Variants in MPP2 observed in about 807,000 individuals in gnomAD.
The protein encoded by MPP2 is MAGUK p55 subfamily member 2.
MPP2 carries 42 observed loss-of-function variants against 58.5 expected under a neutral mutation model. That is an observed-to-expected ratio of 0.72 (90% confidence interval 0.56 to 0.93). MPP2 has a LOEUF of 0.93. Among genes scored for constraint, MPP2 ranks in the 40% least tolerant of loss-of-function variants. The probability of loss-of-function intolerance (pLI) is 0.00; values close to 1 mark genes in which losing one functional copy is unlikely to be tolerated. For synonymous variants in MPP2, 300 were observed against 307.8 expected (o/e 0.97, Z 0.26); for missense variants, 632 against 760.4 (o/e 0.83, Z 1.99).
upstream of MPP2, chr17:43,907,965 C>T (rs2048357357): frequency 1.0e-6 from 1 of 985,374 alleles, no homozygotes; most frequent in Non-Finnish European, 1.2e-6. Flanking sequence ...AGAGAGACTC[C>T]CAGGAAGCAG....
intron 1 of MPP2, among the ~76,000 whole-genome samples, chr17:43,906,543 C>T (rs2048295237): frequency 6.6e-6 from 1 of 152,176 alleles, no homozygotes; most frequent in African/African-American, 2.4e-5. Context: ...ATCCCTCCAT[C>T]CATACACATA....
At chr17:43,884,661 A>G (rs542671016) in intron 3 of MPP2, among the ~76,000 whole-genome samples, 1 of 152,332 alleles carries the variant, frequency 6.6e-6, no homozygotes, top group South Asian at 2.1e-4. Context: ...TGTCTTTCCC[A>G]TACTTTGAGA....
Position 43,877,937 on chromosome 17 carries a change from C to T in MPP2, c.1529G>A (p.Arg510Gln), listed in dbSNP as rs150236584. Residue 510 changes from arginine to glutamine, a missense_variant, in exon 13 of 13, where the codon CGG (arginine) becomes CAG (glutamine). Arg to Gln is a conservative substitution (Grantham distance 43). Coordinates refer to ENST00000269095, the MANE Select transcript of MPP2 (RefSeq NM_005374.5). ...RTVEESSRIQ[R>Q]GYGHYFDLCL... The stretch of plus-strand genomic sequence containing the variant: ...GAGGTCAAAGTAGTGCCCGTAGCCC[C>T]GCTGGATGCGGCTGCTCTCCTCCAC... 70 of 1,613,896 alleles carry T rather than the reference C, an allele frequency of 4.3e-5. No individual in the cohort carries two copies. The highest frequency in any genetic ancestry group is 3.6e-5 in the Non-Finnish European group (42 of 1,179,952).
At chr17:43,904,089 G>C (rs1192441203) in intron 2 of MPP2, among the ~76,000 whole-genome samples, 1 of 152,136 alleles carries the variant, frequency 6.6e-6, no homozygotes, top group Non-Finnish European at 1.5e-5. Flanking sequence ...GCCCAGCTCC[G>C]GGGCCACCTC....
Position 43,880,311 on chromosome 17 carries a change from G to C in MPP2, c.1151-327C>G, listed in dbSNP as rs79536810. ...TCTTAGTCCTGCCTCTGGCAGCCAG[G>C]AGCTTCCACCACCCCCGCTGTTTCT... On this transcript the variant is annotated intron_variant, in intron 10 of 12. Coordinates refer to ENST00000269095, the MANE Select transcript of MPP2 (RefSeq NM_005374.5). This position sits in a 1 kb window ranked among gnomAD's most constrained non-coding sequence, Gnocchi z 5.2. 7.0e-3 allele frequency among the ~76,000 whole-genome samples: 1,066 copies of C among 152,254 alleles called. 12 individuals carry two copies. Among genetic ancestry groups the C allele is most frequent in the African/African-American group, 0.024 (991 of 41,550 alleles).
rs1374597503 is a variant in MPP2 at position 43,879,964 on chromosome 17, C to T, written c.1171G>A (p.Asp391Asn). The T allele has an allele frequency of 4.3e-6, 7 of 1,613,952 alleles. No homozygotes were observed. In the Admixed American group the frequency reaches 1.2e-4, roughly 27 times the overall value. ...TAACCCTGACCTTCCCGCTCTGAGT[C>T]TTTCGGCCGCCGGGAGGTGTCTAGG... ...TVPYTSRRPK[D>N]SEREGQGYSF... Residue 391 changes from aspartate to asparagine, a missense_variant, in exon 11 of 13, where the codon GAC (aspartate) becomes AAC (asparagine). Physicochemically the swap from Asp to Asn is conservative, Grantham distance 23. Coordinates refer to ENST00000269095, the MANE Select transcript of MPP2 (RefSeq NM_005374.5). The surrounding 1 kb of genome is among the most constrained non-coding windows in gnomAD (Gnocchi z 4.1).
Position 43,881,595 on chromosome 17 carries a change from C to G in MPP2, c.682-6G>C. 6.2e-7 allele frequency: 1 copy of G among 1,613,040 alleles called. No individual in the cohort carries two copies. Among genetic ancestry groups the G allele is most frequent in the Non-Finnish European group, 8.5e-7 (1 of 1,179,438 alleles). ...AAGTGACATTTCACAAATACCTGGG[C>G]CCAGGAATCAGCAAAGGGTCGGGGG... On this transcript the variant is annotated splice_region_variant and splice_polypyrimidine_tract_variant and intron_variant, in intron 6 of 12. Transcript: ENST00000269095.
rs1227172164 is a variant in MPP2 at position 43,883,023 on chromosome 17, G to A, written c.333C>T (p.Ala111=). Residue 111 remains alanine (A), a synonymous_variant, in exon 5 of 13, where the codon GCC becomes GCT. Transcript: ENST00000269095. The stretch of plus-strand genomic sequence containing the variant: ...GGGGTGGTGTCTCATAGGTCTTTGA[G>A]GCCACAGAGTCGTGCGTCTCCAGGA... The part of the protein sequence containing the change: ...QSLLETHDSV[A]SKTYETPPPS... 2 of 1,613,858 alleles carry A rather than the reference G, an allele frequency of 1.2e-6. No homozygotes were observed. Among genetic ancestry groups the A allele is most frequent in the East Asian group, 2.2e-5 (1 of 44,874 alleles).
chr17:43,896,925 C>G lies in MPP2; in HGVS notation c.150+1337G>C, dbSNP rs116791963. On this transcript the variant is annotated intron_variant, in intron 3 of 12. Coordinates refer to ENST00000269095, the MANE Select transcript of MPP2 (RefSeq NM_005374.5). The stretch of plus-strand genomic sequence containing the variant: ...ATGGGCACCATCCCCACCTCCCCCC[C>G]TCAGGAGAGGGGGCATCCTTCCACA... Among the ~76,000 whole-genome samples, 765 of 152,248 alleles carry G rather than the reference C, an allele frequency of 5.0e-3. 8 individuals carry two copies. Among genetic ancestry groups the G allele is most frequent in the African/African-American group, 0.018 (733 of 41,530 alleles).
chr17:43,879,793 C>T lies in MPP2; in HGVS notation c.1342G>A (p.Val448Ile). 1 of 1,613,418 alleles carries T rather than the reference C, an allele frequency of 6.2e-7. No homozygotes were observed. Among genetic ancestry groups the T allele is most frequent in the Non-Finnish European group, 8.5e-7 (1 of 1,179,824 alleles). ...CAGAGTGGCGGTACCTGGGGGTTGACATCCAGCACGCACACCTTCCCAGCA... is the reference window on the plus strand; with the variant it reads ...CAGAGTGGCGGTACCTGGGGGTTGATATCCAGCACGCACACCTTCCCAGCA... The part of the protein sequence containing the change: ...VAAGKVCVLD[V>I]NPQAVKVLRT... The change falls in exon 11 of 13, where the codon GTC becomes ATC. Residue 448 changes from valine (V) to isoleucine (I), a missense_variant. Physicochemically the swap from Val to Ile is conservative, Grantham distance 29 (BLOSUM62 3). Transcript: ENST00000269095. This position sits in a 1 kb window ranked among gnomAD's most constrained non-coding sequence, Gnocchi z 4.1.
intron 1 of MPP2, 178 bp downstream of exon 1, chr17:43,907,296 C>G (rs995329431): frequency 1.0e-6 from 1 of 985,312 alleles, no homozygotes; most frequent in African/African-American, 1.7e-5. Context: ...TTCTCCCAAC[C>G]AGCACCCCAG....
chr17:43,907,364 G>A, intron 1 of MPP2, 110 bp downstream of exon 1: 1 of 985,654 alleles, frequency 1.0e-6, no homozygotes, highest in South Asian at 4.7e-5. Context: ...TGGGTGAAAG[G>A]GGCCTGTGGA....
intron 3 of MPP2, among the ~76,000 whole-genome samples, chr17:43,891,332 C>T (rs1567892115): frequency 6.6e-6 from 1 of 152,078 alleles, no homozygotes. Context: ...CCAGCCTGGC[C>T]AACATGGTGA....
chr17:43,901,165 G>T, intron 2 of MPP2: 1 of 727,414 alleles, frequency 1.4e-6, no homozygotes, highest in Non-Finnish European at 1.7e-6. Flanking sequence ...TGGGCATGGG[G>T]CAAATACCTC....
At chr17:43,890,673 G>C (rs973980186) in intron 3 of MPP2, among the ~76,000 whole-genome samples, 8 of 152,236 alleles carry the variant, frequency 5.3e-5, no homozygotes, top group African/African-American at 1.9e-4. Flanking sequence ...GATGTGACTT[G>C]CTTTAGCCAA....
intron 12 of MPP2, 45 bp from the exon 13 acceptor site, chr17:43,878,028 T>A: frequency 6.4e-7 from 1 of 1,566,194 alleles, no homozygotes; most frequent in Non-Finnish European, 8.7e-7. Context: ...TGCCCACAAC[T>A]CACCCCCACT....
chr17:43,900,517 C>T, intron 2 of MPP2: 1 of 1,548,906 alleles, frequency 6.5e-7, no homozygotes, highest in South Asian at 1.2e-5. Flanking sequence ...GGGATATACC[C>T]TCCAAGGAGA....
intron 3 of MPP2, among the ~76,000 whole-genome samples, chr17:43,887,543 T>A (rs768065374): frequency 6.6e-6 from 1 of 152,100 alleles, no homozygotes; most frequent in Non-Finnish European, 1.5e-5. Context: ...TATTTTCACA[T>A]AGAGATCTCT....
At chr17:43,898,489 G>GTCCCTCCCCGGCAACATT in intron 2 of MPP2, 109 bp from the exon 3 acceptor site, 2 of 222,880 alleles carry the variant, frequency 9.0e-6, no homozygotes, top group Admixed American at 1.2e-4. Flanking sequence ...ACAGAAGGCA[G>GTCCCTCCCCGGCAACATT]CCCCTCCCCG....
Sources: allele counts gnomAD v4.1 joint callset (sites outside exome capture counted in the v4.1 genomes callset), GRCh38; gene constraint gnomAD v4.1.1; non-coding constraint Gnocchi (gnomAD v3.1); transcripts MANE v1.5; gene names NCBI Gene and HGNC (gene_info 2026-07-23, HGNC 2026-07-21).